PTPRA: variants seen among roughly 807,000 people sequenced by gnomAD.
The protein encoded by PTPRA is protein tyrosine phosphatase receptor type A.
PTPRA carries 25 observed loss-of-function variants against 104.8 expected under a neutral mutation model. The observed-to-expected ratio is 0.24, with a 90% CI of 0.17 to 0.33. The LOEUF is 0.33. Among genes scored for constraint, PTPRA ranks in the 10% least tolerant of loss-of-function variants. The probability of loss-of-function intolerance (pLI) is 1.00; values close to 1 mark genes in which losing one functional copy is unlikely to be tolerated. For synonymous variants in PTPRA, 323 were observed against 368.9 expected (o/e 0.88, Z 1.43); for missense variants, 765 against 1,015.3 (o/e 0.75, Z 3.35).
intron 6 of PTPRA, among the ~76,000 whole-genome samples, chr20:2,986,394 C>T (rs973889568): frequency 6.6e-6 from 1 of 152,210 alleles, no homozygotes; most frequent in Non-Finnish European, 1.5e-5. Flanking sequence ...GTTCATGCCT[C>T]CAGATATTCC....
At chr20:2,965,265 G>C in intron 5 of PTPRA, 63 bp downstream of exon 5, 1 of 1,439,444 alleles carries the variant, frequency 6.9e-7, no homozygotes, top group East Asian at 2.3e-5. Context: ...TTATTATCTT[G>C]TTTGTGTTTT....
At position 3,035,642 on chromosome 20, in the gene PTPRA, G is replaced by A. The variant is rs767914008; in HGVS notation, c.1978G>A (p.Val660Met). The change falls in exon 21 of 24, where the codon GTG becomes ATG. Residue 660 changes from valine to methionine, a missense_variant. By Grantham distance (21) the Val-to-Met change is conservative (BLOSUM62 1). This residue lies in a region of PTPRA where 192 missense variants were observed against 227.0 expected (regional missense o/e 0.85). Transcript: ENST00000399903. The surrounding 1 kb of genome is among the most constrained non-coding windows in gnomAD (Gnocchi z 5.8). Reference protein sequence around the residue: ...DGLVSYGDITVELKKEEECES... With the variant: ...DGLVSYGDITMELKKEEECES... Reference sequence around the variant, plus strand: ...ACTGGTGTCCTATGGAGATATTACAGTGGAACTGAAGAAGGAGGAGGAATG... The same window carrying A: ...ACTGGTGTCCTATGGAGATATTACAATGGAACTGAAGAAGGAGGAGGAATG... The A allele has an allele frequency of 7.4e-6, 12 of 1,614,044 alleles. No individual in the cohort carries two copies. In the South Asian group the frequency reaches 8.8e-5, roughly 12 times the overall value.
intron 20 of PTPRA, among the ~76,000 whole-genome samples, chr20:3,029,307 T>C (rs903952929): frequency 6.6e-6 from 1 of 151,376 alleles, no homozygotes; most frequent in Admixed American, 6.6e-5. Context: ...GCCCAGCTAG[T>C]TTTTGTATTT....
intron 1 of PTPRA, among the ~76,000 whole-genome samples, chr20:2,914,626 A>G (rs1365823829): frequency 1.3e-5 from 2 of 151,956 alleles, no homozygotes; most frequent in Non-Finnish European, 2.9e-5. Context: ...TAATTGATCA[A>G]TCCCCTTGAA....
chr20:3,000,489 T>C (rs2063580362), intron 9 of PTPRA, among the ~76,000 whole-genome samples: 1 of 151,950 alleles, frequency 6.6e-6, no homozygotes, highest in Admixed American at 6.6e-5. Context: ...CTGGTGGGAG[T>C]ATAAATTAGT....
chr20:2,955,895 A>C (rs555459089), intron 3 of PTPRA, among the ~76,000 whole-genome samples: 1 of 149,272 alleles, frequency 6.7e-6, no homozygotes, highest in African/African-American at 2.5e-5. Context: ...TTTTCCCCCT[A>C]CCCCCCACAG....
At chr20:2,919,938 C>A (rs536501408) in intron 1 of PTPRA, among the ~76,000 whole-genome samples, 1 of 152,126 alleles carries the variant, frequency 6.6e-6, no homozygotes, top group Non-Finnish European at 1.5e-5. Flanking sequence ...ATAAAATTAA[C>A]ATTTACATGT....
chr20:3,001,685 C>T (rs2063634200), intron 9 of PTPRA, among the ~76,000 whole-genome samples: 1 of 152,118 alleles, frequency 6.6e-6, no homozygotes, highest in Admixed American at 6.5e-5. Flanking sequence ...TGTAAGAGTC[C>T]AGCCCAGGAA....
chr20:3,032,581 C>G (rs186962116), intron 20 of PTPRA, among the ~76,000 whole-genome samples: 5 of 151,838 alleles, frequency 3.3e-5, no homozygotes, highest in Non-Finnish European at 7.4e-5. Flanking sequence ...GCCTGGCCAA[C>G]ATGGCAAAAC....
intron 1 of PTPRA, among the ~76,000 whole-genome samples, chr20:2,879,593 G>C (rs1268831783): frequency 6.6e-6 from 1 of 152,128 alleles, no homozygotes; most frequent in Non-Finnish European, 1.5e-5. Context: ...TAATTTAATT[G>C]GTCTCAGTTG....
intron 1 of PTPRA, among the ~76,000 whole-genome samples, chr20:2,906,440 A>G (rs2059430357): frequency 6.6e-6 from 1 of 152,204 alleles, no homozygotes; most frequent in Non-Finnish European, 1.5e-5. Flanking sequence ...GCCAGATAGT[A>G]AATATTTTAG....
intron 5 of PTPRA, among the ~76,000 whole-genome samples, chr20:2,971,091 TGTAAA>T (rs1436699596): frequency 1.3e-5 from 2 of 152,250 alleles, no homozygotes; most frequent in Non-Finnish European, 2.9e-5. Flanking sequence ...ATTGTAACTT[TGTAAA>T]GTATTTAATA....
chr20:2,919,152 T>G (rs935705861), intron 1 of PTPRA, among the ~76,000 whole-genome samples: 3 of 152,156 alleles, frequency 2.0e-5, no homozygotes, highest in African/African-American at 7.2e-5. Context: ...GTTGATTGTC[T>G]CAAATTTCCA....
At chr20:2,904,927 T>A (rs2059369141) in intron 1 of PTPRA, among the ~76,000 whole-genome samples, 1 of 152,162 alleles carries the variant, frequency 6.6e-6, no homozygotes, top group African/African-American at 2.4e-5. Flanking sequence ...TATATTCAAA[T>A]AATCACCAAA....
intron 9 of PTPRA, among the ~76,000 whole-genome samples, chr20:3,000,564 C>G (rs2063582968): frequency 6.6e-6 from 1 of 152,158 alleles, no homozygotes. Context: ...ACCTGAAATT[C>G]TTGCACATAT....
chr20:2,869,305 CTA>C (rs1385545991), upstream of PTPRA, among the ~76,000 whole-genome samples: 1 of 151,594 alleles, frequency 6.6e-6, no homozygotes, highest in East Asian at 1.9e-4. Flanking sequence ...ATTTCAATAA[CTA>C]GAGTTCATTT....
chr20:2,991,296 C>T (rs897233533), intron 9 of PTPRA, among the ~76,000 whole-genome samples: 8 of 150,086 alleles, frequency 5.3e-5, no homozygotes, highest in African/African-American at 1.7e-4. Flanking sequence ...ACCTGGGAGG[C>T]GGAGGTTGCA....
rs774259061 is a variant in PTPRA, at chr20:3,035,481, C to T, written c.1921-104C>T. 188 of 1,332,692 alleles carry T rather than the reference C, an allele frequency of 1.4e-4. No homozygotes were observed. Among genetic ancestry groups the T allele is most frequent in the Non-Finnish European group, 1.5e-4 (147 of 958,752 alleles). 82.6% of individuals were successfully genotyped at this position (1,332,692 alleles called of 1,614,324 possible). On this transcript the variant is annotated intron_variant, in intron 20 of 23. Coordinates refer to ENST00000399903, the MANE Select transcript of PTPRA (RefSeq NM_001385305.1). This position sits in a 1 kb window ranked among gnomAD's most constrained non-coding sequence, Gnocchi z 5.8. ...ATACCTTGGGGACGAAGCGTATCAGCGTAAGAGGTGGCTGTACTGAGAGGG... is the reference window on the plus strand; with the variant it reads ...ATACCTTGGGGACGAAGCGTATCAGTGTAAGAGGTGGCTGTACTGAGAGGG...
chr20:3,018,209 T>G (rs1472387124), intron 13 of PTPRA, among the ~76,000 whole-genome samples: 1 of 152,090 alleles, frequency 6.6e-6, no homozygotes, highest in Non-Finnish European at 1.5e-5. Flanking sequence ...GGGTTTTTTT[T>G]GTTGTTGTTT....
Sources: gnomAD v4.1 joint callset for allele counts (sites outside exome capture counted in the v4.1 genomes callset) on GRCh38, gnomAD v4.1.1 for gene constraint, gnomAD v4.1.1 regional missense constraint, Gnocchi (gnomAD v3.1) non-coding constraint, MANE v1.5 for transcripts, NCBI Gene and HGNC (gene_info 2026-07-23, HGNC 2026-07-21) for gene names.